The following SAXO1 variants were observed in gnomAD, a reference collection of about 807,000 sequenced individuals.
SAXO1 encodes stabilizer of axonemal microtubules 1.
In SAXO1, 21 loss-of-function variants were observed where a neutral mutation model predicts 17.5. That is an observed-to-expected ratio of 1.20 (90% CI 0.85 to 1.72). The LOEUF (loss-of-function observed/expected upper bound fraction) is 1.72, where lower values mean the gene tolerates loss of function less well. Ranked by LOEUF, SAXO1 falls within the 40% of genes most tolerant of loss-of-function variation. The pLI is 0.00. For synonymous variants in SAXO1, 274 were observed against 216.5 expected (o/e 1.27, Z -2.33); for missense variants, 843 against 596.0 (o/e 1.41, Z -4.32).
At chr9:19,010,807 C>A (rs1215227878) in intron 1 of SAXO1, among the ~76,000 whole-genome samples, 1 of 152,116 alleles carries the variant, frequency 6.6e-6, no homozygotes, top group African/African-American at 2.4e-5. Context: ...GAGGGGAAAC[C>A]TTTCCTTTCT....
chr9:18,986,323 G>T (rs775434785), intron 1 of SAXO1, among the ~76,000 whole-genome samples: 1 of 152,146 alleles, frequency 6.6e-6, no homozygotes, highest in Admixed American at 6.5e-5. Flanking sequence ...TTTAGCCCCT[G>T]GGCAGGAATT....
chr9:18,959,365 G>T (rs1047921892), intron 1 of SAXO1, among the ~76,000 whole-genome samples: 1 of 152,174 alleles, frequency 6.6e-6, no homozygotes, highest in Non-Finnish European at 1.5e-5. Context: ...ATTAAAGAGG[G>T]CAGATGGATG....
chr9:19,043,397 G>A (rs1836124676), intron 1 of SAXO1, among the ~76,000 whole-genome samples: 1 of 152,126 alleles, frequency 6.6e-6, no homozygotes, highest in East Asian at 1.9e-4. Context: ...ACCAGAGGCT[G>A]GGAAGGATAA....
chr9:18,978,075 T>G (rs1386422382), intron 1 of SAXO1, among the ~76,000 whole-genome samples: 1 of 149,690 alleles, frequency 6.7e-6, no homozygotes, highest in African/African-American at 2.5e-5. Flanking sequence ...TATCATTAAA[T>G]TCTGTGTCAC....
chr9:19,011,145 C>G (rs1385276872), intron 1 of SAXO1, among the ~76,000 whole-genome samples: 4 of 152,178 alleles, frequency 2.6e-5, no homozygotes, highest in Non-Finnish European at 5.9e-5. Flanking sequence ...TCTACTTACC[C>G]TAATAGCACC....
chr9:18,943,392 C>G (rs1297909848), intron 2 of SAXO1, among the ~76,000 whole-genome samples: 2 of 152,244 alleles, frequency 1.3e-5, no homozygotes, highest in Admixed American at 6.5e-5. Flanking sequence ...ACTGAACAAG[C>G]AGCCAAGGGT....
rs560461266 is a variant in SAXO1 at position 18,998,434 on chromosome 9, G to T, written c.38+34437C>A. On this transcript the variant is annotated intron_variant, in intron 1 of 3. Coordinates refer to ENST00000380534, the MANE Select transcript of SAXO1 (RefSeq NM_153707.4). ...TAGAGAAAAAAGAGTGAAAAGAAAT[G>T]AACAAAGCCTCCAAGAAATTTGGGA... is the stretch of plus-strand genomic sequence containing the variant. Among the ~76,000 whole-genome samples, 4 of 152,094 alleles carry T rather than the reference G, an allele frequency of 2.6e-5. No individual in the cohort carries two copies. The South Asian group carries it at 8.3e-4, about 32-fold the overall frequency.
In SAXO1 at chr9:18,928,835, G is replaced by A; in HGVS notation, c.642C>T (p.His214=). The A allele has an allele frequency of 1.2e-6, 2 of 1,614,168 alleles. No individual in the cohort carries two copies. Among genetic ancestry groups the A allele is most frequent in the South Asian group, 1.1e-5 (1 of 91,080 alleles). The change falls in exon 4 of 4, where the codon CAC becomes CAT. Residue 214 remains histidine (H), a synonymous_variant. Transcript: ENST00000380534. ...VTNYKMSYVA[H]PVEKRFVHEA... ...CATGCACAAAGCGCTTCTCCACGGG[G>A]TGGGCCACATAGCTCATCTTGTAGT...
At chr9:18,933,048 G>T (rs1393900246) in intron 3 of SAXO1, among the ~76,000 whole-genome samples, 3 of 152,152 alleles carry the variant, frequency 2.0e-5, no homozygotes, top group Non-Finnish European at 2.9e-5. Context: ...GCACTAGCTA[G>T]AACCTCCAAT....
chr9:18,994,500 G>A (rs1287573007), intron 1 of SAXO1, among the ~76,000 whole-genome samples: 4 of 152,120 alleles, frequency 2.6e-5, no homozygotes, highest in Non-Finnish European at 5.9e-5. Flanking sequence ...AAGCAGTCAC[G>A]CTGCATCTCT....
chr9:18,984,916 G>C (rs1276443623), intron 1 of SAXO1, among the ~76,000 whole-genome samples: 5 of 152,034 alleles, frequency 3.3e-5, no homozygotes, highest in Non-Finnish European at 5.9e-5. Flanking sequence ...TAATTGTTTT[G>C]AGCTGTTGAT....
At chr9:19,028,777 G>A (rs1015903310) in intron 1 of SAXO1, among the ~76,000 whole-genome samples, 1 of 152,096 alleles carries the variant, frequency 6.6e-6, no homozygotes, top group Non-Finnish European at 1.5e-5. Context: ...GCCCAGCAAA[G>A]CTCACTGAAA....
At chr9:19,012,923 C>G (rs917877433) in intron 1 of SAXO1, among the ~76,000 whole-genome samples, 2 of 152,164 alleles carry the variant, frequency 1.3e-5, no homozygotes, top group South Asian at 4.1e-4. Flanking sequence ...TCTGCACCAA[C>G]AAAAAGCACC....
At chr9:18,978,864 T>A (rs1233074933) in intron 1 of SAXO1, among the ~76,000 whole-genome samples, 1 of 152,148 alleles carries the variant, frequency 6.6e-6, no homozygotes, top group East Asian at 1.9e-4. Context: ...AATCCCCAAC[T>A]CTTCATGGGC....
chr9:19,034,588 C>A (rs1485912824), upstream of SAXO1, among the ~76,000 whole-genome samples: 1 of 152,104 alleles, frequency 6.6e-6, no homozygotes, highest in East Asian at 1.9e-4. Flanking sequence ...GTTCCAACCC[C>A]AGTTATAGGA....
chr9:19,000,443 C>G (rs557099293), intron 1 of SAXO1, among the ~76,000 whole-genome samples: 3 of 152,260 alleles, frequency 2.0e-5, no homozygotes, highest in East Asian at 3.9e-4. Context: ...ATGCCTCTGC[C>G]AGGCCGCCCC....
At chr9:18,997,251 C>A (rs867329964) in intron 1 of SAXO1, among the ~76,000 whole-genome samples, 21 of 152,234 alleles carry the variant, frequency 1.4e-4, no homozygotes, top group African/African-American at 4.8e-4. Context: ...AAGTACTGCA[C>A]TTTTCCCACA....
intron 1 of SAXO1, among the ~76,000 whole-genome samples, chr9:18,992,383 C>T (rs62560399): frequency 0.031 from 4,758 of 152,246 alleles, 104 homozygotes; most frequent in Middle Eastern, 0.068. Flanking sequence ...TTCCCTCTGT[C>T]CATGTCTGTC....
chr9:18,974,382 C>G (rs1443042234), intron 1 of SAXO1, among the ~76,000 whole-genome samples: 1 of 152,174 alleles, frequency 6.6e-6, no homozygotes, highest in African/African-American at 2.4e-5. Flanking sequence ...TTGATATGTA[C>G]ATTGTGTGTG....
Sources: allele counts gnomAD v4.1 joint callset (sites outside exome capture counted in the v4.1 genomes callset), GRCh38; gene constraint gnomAD v4.1.1; transcripts MANE v1.5; gene names NCBI Gene and HGNC (gene_info 2026-07-23, HGNC 2026-07-21).